ETV1: variants seen among roughly 807,000 people sequenced by gnomAD.
ETV1 encodes the protein ETS variant transcription factor 1.
In ETV1, 27 loss-of-function variants were observed where a neutral mutation model predicts 62.3. The observed-to-expected ratio is 0.43, with a 90% CI of 0.32 to 0.60. The LOEUF is 0.60. ETV1 is among the 20% of genes least tolerant of loss of function. The pLI is 0.06. For missense variants in ETV1, 605 were observed against 605.8 expected (o/e 1.00, Z 0.01); for synonymous variants, 222 against 199.6 (o/e 1.11, Z -0.94).
At chr7:13,968,572 T>C (rs537869791) in intron 6 of ETV1, among the ~76,000 whole-genome samples, 1 of 151,452 alleles carries the variant, frequency 6.6e-6, no homozygotes, top group East Asian at 2.0e-4. Context: ...GTGAGAAAAT[T>C]ATAAGTATAC....
chr7:13,987,472 T>C (rs1409385302), intron 4 of ETV1, among the ~76,000 whole-genome samples: 8 of 152,152 alleles, frequency 5.3e-5, no homozygotes, highest in Admixed American at 5.2e-4. Context: ...CATACTGACA[T>C]CCTAGCAACA....
intron 9 of ETV1, among the ~76,000 whole-genome samples, chr7:13,925,991 G>A (rs1178144326): frequency 1.3e-5 from 2 of 151,882 alleles, no homozygotes; most frequent in Admixed American, 1.3e-4. Flanking sequence ...TATAGCCAAG[G>A]TATTTCTGTA....
intron 9 of ETV1, among the ~76,000 whole-genome samples, chr7:13,914,020 A>AGC (rs1228611619): frequency 6.6e-6 from 1 of 151,132 alleles, no homozygotes; most frequent in Non-Finnish European, 1.5e-5. Context: ...AGTAGCTGGG[A>AGC]CTACAGGCTC....
At chr7:13,911,814 T>C (rs900658019) in intron 9 of ETV1, among the ~76,000 whole-genome samples, 1 of 152,228 alleles carries the variant, frequency 6.6e-6, no homozygotes, top group Non-Finnish European at 1.5e-5. Flanking sequence ...ATTCTGACCA[T>C]ATAAAAGACA....
intron 9 of ETV1, among the ~76,000 whole-genome samples, chr7:13,920,941 C>G (rs1784776146): frequency 6.6e-6 from 1 of 152,152 alleles, no homozygotes; most frequent in African/African-American, 2.4e-5. Flanking sequence ...GAAGACATCA[C>G]TGTCACTTTT....
intron 6 of ETV1, among the ~76,000 whole-genome samples, chr7:13,955,840 T>A (rs1334557444): frequency 6.6e-6 from 1 of 152,206 alleles, no homozygotes; most frequent in African/African-American, 2.4e-5. Context: ...CACTCATTTT[T>A]TTCTACAAGA....
intron 5 of ETV1, among the ~76,000 whole-genome samples, chr7:13,979,461 G>GA (rs1024186521): frequency 5.9e-5 from 9 of 151,864 alleles, no homozygotes; most frequent in Admixed American, 2.6e-4. Context: ...TGACACTGCA[G>GA]AAAAAAATGT....
intron 6 of ETV1, among the ~76,000 whole-genome samples, chr7:13,961,594 T>G (rs1287493365): frequency 6.6e-6 from 1 of 152,056 alleles, no homozygotes; most frequent in African/African-American, 2.4e-5. Flanking sequence ...AAATCAACAC[T>G]TTTTTTCCCT....
intron 12 of ETV1, among the ~76,000 whole-genome samples, chr7:13,902,432 C>T (rs1033431433): frequency 6.6e-6 from 1 of 151,132 alleles, no homozygotes; most frequent in Non-Finnish European, 1.5e-5. Flanking sequence ...TCCCAGCAGA[C>T]AATCACAGTG....
At chr7:13,900,937 G>A in intron 12 of ETV1, 98 bp from the exon 13 acceptor site, 1 of 734,880 alleles carries the variant, frequency 1.4e-6, no homozygotes, top group Non-Finnish European at 2.2e-6. Context: ...CCACAAAAAT[G>A]TCCAACTCAA....
intron 6 of ETV1, among the ~76,000 whole-genome samples, chr7:13,939,539 A>G (rs79976002): frequency 0.055 from 8,451 of 152,304 alleles, 657 homozygotes; most frequent in African/African-American, 0.18. Flanking sequence ...CTCAGTTTCA[A>G]GAAAGTACAT....
intron 6 of ETV1, among the ~76,000 whole-genome samples, chr7:13,948,594 C>T (rs1788437035): frequency 6.6e-6 from 1 of 152,118 alleles, no homozygotes; most frequent in African/African-American, 2.4e-5. Context: ...GTTAGTAGAA[C>T]ACTCTCCCAC....
At chr7:13,935,092 C>A (rs181714019) in intron 8 of ETV1, among the ~76,000 whole-genome samples, 1 of 152,152 alleles carries the variant, frequency 6.6e-6, no homozygotes, top group Admixed American at 6.5e-5. Context: ...AATTACCTAA[C>A]GCAGTATTCT....
intron 5 of ETV1, among the ~76,000 whole-genome samples, chr7:13,982,490 A>T (rs1050232043): frequency 1.3e-5 from 2 of 152,026 alleles, no homozygotes; most frequent in Non-Finnish European, 2.9e-5. Flanking sequence ...ACATTTATGC[A>T]ATTCCAATGA....
Position 13,900,780 on chromosome 7 carries a change from G to A in ETV1, c.1170C>T (p.Ser390=). 1.9e-6 allele frequency: 3 copies of A among 1,611,502 alleles called. No homozygotes were observed. Among genetic ancestry groups the A allele is most frequent in the South Asian group, 2.2e-5 (2 of 90,356 alleles). The change falls in exon 13 of 14, where the codon AGC becomes AGT. Residue 390 remains serine, a synonymous_variant. Coordinates refer to ENST00000430479, the MANE Select transcript of ETV1 (RefSeq NM_004956.5). ...NRPAMNYDKL[S]RSLRYYYEKG... ...TCTCATAGTAATAGCGGAGTGAACG[G>A]CTAAGTTTATCATAGTTCATAGCTG...
chr7:13,983,210 A>G (rs191883652), intron 5 of ETV1, among the ~76,000 whole-genome samples: 11 of 152,168 alleles, frequency 7.2e-5, no homozygotes, highest in African/African-American at 2.6e-4. Flanking sequence ...AACCTGAAAG[A>G]ACATCTAGAC....
chr7:13,931,557 G>T lies in ETV1; in HGVS notation c.747C>A (p.Ser249Arg), dbSNP rs756490851. Residue 249 changes from serine (S) to arginine (R), a missense_variant, in exon 9 of 14, where the codon AGC becomes AGA. Ser to Arg is a moderately radical substitution (Grantham distance 110). This residue lies in a region of ETV1 where 426 missense variants were observed against 377.8 expected (regional missense o/e 1.13). Transcript: ENST00000430479. ...NTMVGSAASQ[S>R]FPPPLMIKQE... ...GTTTAATCATCAGAGGAGGGGGAAA[G>T]CTTTGGCTGGCCGCACTGCCAACCA... is the stretch of plus-strand genomic sequence containing the variant. 2.5e-6 allele frequency: 4 copies of T among 1,613,940 alleles called. No homozygotes were observed. Among genetic ancestry groups the T allele is most frequent in the African/African-American group, 2.7e-5 (2 of 74,942 alleles).
At chr7:13,974,562 G>A (rs769940279) in intron 6 of ETV1, among the ~76,000 whole-genome samples, 2 of 152,228 alleles carry the variant, frequency 1.3e-5, no homozygotes, top group Non-Finnish European at 2.9e-5. Context: ...CAGAAGTTCA[G>A]TCAAGGCAGA....
chr7:13,944,001 A>T (rs1787864409), intron 6 of ETV1, among the ~76,000 whole-genome samples: 1 of 152,214 alleles, frequency 6.6e-6, no homozygotes, highest in Non-Finnish European at 1.5e-5. Context: ...CCAGATGGGT[A>T]GGAAATGGAG....
Sources: gnomAD v4.1 joint callset for allele counts (sites outside exome capture counted in the v4.1 genomes callset) on GRCh38, gnomAD v4.1.1 for gene constraint, gnomAD v4.1.1 regional missense constraint, MANE v1.5 for transcripts, NCBI Gene and HGNC (gene_info 2026-07-23, HGNC 2026-07-21) for gene names.